PUDP: variants seen among roughly 807,000 people sequenced by gnomAD.
PUDP encodes pseudouridine 5'-phosphatase, also known as pseudouridine-5'-phosphatase.
In PUDP, 8 loss-of-function variants were observed where a neutral mutation model predicts 9.4. That is an observed-to-expected ratio of 0.85 (90% CI 0.50 to 1.53). The LOEUF is 1.53. Ranked by LOEUF, PUDP falls within the 40% of genes most tolerant of loss-of-function variation. The probability of loss-of-function intolerance (pLI) is 0.00; values close to 1 mark genes in which losing one functional copy is unlikely to be tolerated. For synonymous variants in PUDP, 99 were observed against 80.7 expected, an observed-to-expected ratio of 1.23 and a Z score of -1.22; for missense variants, 188 against 189.7, an observed-to-expected ratio of 0.99 and a Z score of 0.05.
At chrX:6,973,569 G>A (rs1928910343) in intron 3 of PUDP, among the ~76,000 whole-genome samples, 1 of 112,083 alleles carries the variant, frequency 8.9e-6, no homozygotes, top group South Asian at 3.7e-4. Context: ...TGTGGTCTGA[G>A]AGACTGTTTG....
intron 1 of PUDP, among the ~76,000 whole-genome samples, chrX:6,709,288 T>C (rs758037931): frequency 2.7e-5 from 3 of 111,788 alleles, no homozygotes; most frequent in East Asian, 2.8e-4. Flanking sequence ...CGTGGTGTTA[T>C]TGTGCCCTGT....
At chrX:7,088,821 C>T (rs1261242718) in intron 2 of PUDP, among the ~76,000 whole-genome samples, 1 of 111,684 alleles carries the variant, frequency 9.0e-6, no homozygotes, top group Non-Finnish European at 1.9e-5. Context: ...TTTTAATAAG[C>T]ACATGGAATG....
At chrX:7,094,066 T>A (rs1480315615) in intron 2 of PUDP, among the ~76,000 whole-genome samples, 1 of 111,482 alleles carries the variant, frequency 9.0e-6, no homozygotes, top group East Asian at 2.8e-4. Context: ...AGGTCAAGGC[T>A]GCAGTGAGCC....
downstream of PUDP, among the ~76,000 whole-genome samples, chrX:7,045,665 T>C (rs1177441765): frequency 3.6e-5 from 4 of 111,552 alleles, no homozygotes; most frequent in Non-Finnish European, 5.6e-5. Flanking sequence ...TTCGAAGAGA[T>C]AATGACTGAG....
At chrX:6,956,184 G>T (rs1475307461) in intron 3 of PUDP, among the ~76,000 whole-genome samples, 1 of 111,935 alleles carries the variant, frequency 8.9e-6, no homozygotes, top group Non-Finnish European at 1.9e-5. Context: ...CAAGTAGCTG[G>T]GACTACAGGC....
At chrX:7,054,393 G>T (rs1009753303) in intron 3 of PUDP, among the ~76,000 whole-genome samples, 4 of 104,721 alleles carry the variant, frequency 3.8e-5, no homozygotes. Flanking sequence ...CTGGGCCACA[G>T]AGTGAGACTC....
At chrX:7,105,964 G>A (rs747403141) in intron 1 of PUDP, 126 bp from the exon 2 acceptor site, 5 of 457,230 alleles carry the variant, frequency 1.1e-5, no homozygotes, top group East Asian at 3.8e-5. Context: ...GGAGACCTAA[G>A]TGAACAGGAG....
Position 6,925,352 on chromosome X carries a change from C to G in PUDP, c.*247+51781G>C, listed in dbSNP as rs967290299. 1.5e-4 allele frequency among the ~76,000 whole-genome samples: 17 copies of G among 111,791 alleles called. No individual in the cohort carries two copies. The Admixed American group carries it at 1.6e-3, about 11-fold the overall frequency. On this transcript the variant is annotated intron_variant and NMD_transcript_variant, in intron 3 of 3. Coordinates refer to the PUDP transcript ENST00000655425. ...CTTCCCTCTTCAAAGCCTGTTTAAG[C>G]AACAGGTCTCTCCCTGTGCCCCATT...
chrX:7,136,555 G>T (rs192441896), intron 1 of PUDP, among the ~76,000 whole-genome samples: 4 of 112,267 alleles, frequency 3.6e-5, no homozygotes, highest in Admixed American at 9.4e-5. Flanking sequence ...GCATTCTTCT[G>T]TAAAAGAGCT....
In PUDP at chrX:6,892,270, G is replaced by T. The variant is rs747403799; in HGVS notation, c.*247+84863C>A. On this transcript the variant is annotated intron_variant and NMD_transcript_variant, in intron 3 of 3. Coordinates refer to the PUDP transcript ENST00000655425. ...TCTGATAACCCTACTGCTATGGACT[G>T]AGTTGTGCTCTCCACAAAATTCTTA... Among the ~76,000 whole-genome samples the T allele has an allele frequency of 2.7e-5, 3 of 111,903 alleles. No individual in the cohort carries two copies. In the East Asian group the frequency reaches 8.4e-4, roughly 31 times the overall value.
At chrX:7,125,243 T>C (rs968982373) in intron 1 of PUDP, among the ~76,000 whole-genome samples, 11 of 111,648 alleles carry the variant, frequency 9.9e-5, no homozygotes, top group African/African-American at 2.9e-4. Flanking sequence ...CACATATGTA[T>C]AAATACTATT....
At chrX:6,773,431 G>T (rs1669804802) in intron 3 of PUDP, among the ~76,000 whole-genome samples, 1 of 111,820 alleles carries the variant, frequency 8.9e-6, no homozygotes, top group Non-Finnish European at 1.9e-5. Context: ...GGGCCCAGAA[G>T]ATCCTGGAGC....
chrX:6,816,974 CA>C (rs1395322278), intron 3 of PUDP, among the ~76,000 whole-genome samples: 2 of 91,455 alleles, frequency 2.2e-5, no homozygotes, highest in Admixed American at 1.3e-4. Context: ...TATATATACA[CA>C]TATAGTATAT....
chrX:6,976,052 A>T, intron 3 of PUDP, among the ~76,000 whole-genome samples: 1 of 111,939 alleles, frequency 8.9e-6, no homozygotes, highest in Middle Eastern at 4.6e-3. Flanking sequence ...CCCTCTCCCA[A>T]CCAAGTTTGA....
intron 1 of PUDP, among the ~76,000 whole-genome samples, chrX:6,997,591 TGCAG>T (rs1929268346): frequency 8.9e-6 from 1 of 112,439 alleles, no homozygotes; most frequent in Admixed American, 9.4e-5. Flanking sequence ...TATAAAATAG[TGCAG>T]ATTTCCATCT....
chrX:7,098,524 A>G (rs998728164), intron 2 of PUDP, among the ~76,000 whole-genome samples: 5 of 111,641 alleles, frequency 4.5e-5, no homozygotes, highest in African/African-American at 1.6e-4. Context: ...TTTCAACACT[A>G]GATTTGGGGG....
chrX:6,752,617 G>C (rs1303996942), intron 3 of PUDP, among the ~76,000 whole-genome samples: 1 of 111,501 alleles, frequency 9.0e-6, no homozygotes, highest in Non-Finnish European at 1.9e-5. Flanking sequence ...GGAGTTTATA[G>C]AACAGAGTGA....
At chrX:7,028,966 CTCT>C (rs1929756884) in intron 1 of PUDP, among the ~76,000 whole-genome samples, 1 of 110,550 alleles carries the variant, frequency 9.0e-6, no homozygotes, top group Non-Finnish European at 1.9e-5. Flanking sequence ...TCCTCATCTC[CTCT>C]TCTTATAAGG....
rs183173992 is a variant in PUDP, at chrX:6,820,266, A to C, written c.*248-113800T>G. ...TCCCTATGGGTCCCTCCCACAATAC[A>C]TGGGAATTCTGGGAGATACAATTCA... On this transcript the variant is annotated intron_variant and NMD_transcript_variant, in intron 3 of 3. Transcript: ENST00000655425. 3.6e-5 allele frequency among the ~76,000 whole-genome samples: 4 copies of C among 110,691 alleles called. No individual in the cohort carries two copies. The East Asian group carries it at 1.2e-3, about 32-fold the overall frequency.
Sources: allele counts gnomAD v4.1 joint callset (sites outside exome capture counted in the v4.1 genomes callset), GRCh38; gene constraint gnomAD v4.1.1; transcripts MANE v1.5; gene names NCBI Gene and HGNC (gene_info 2026-07-23, HGNC 2026-07-21).